PATJ: variants seen among roughly 807,000 people sequenced by gnomAD.
The protein encoded by PATJ is inaD-like protein.
In PATJ, 190 loss-of-function variants were observed where a neutral mutation model predicts 224.9. The ratio of observed to expected loss-of-function variants is 0.84; its 90% CI spans 0.75 to 0.95. PATJ has a LOEUF of 0.95. PATJ is among the 40% of genes least tolerant of loss of function. The probability of loss-of-function intolerance (pLI) is 0.00; values close to 1 mark genes in which losing one functional copy is unlikely to be tolerated. For synonymous variants in PATJ, 769 were observed against 820.3 expected (o/e 0.94, Z 1.07); for missense variants, 2,121 against 2,270.3 (o/e 0.93, Z 1.34).
intron 18 of PATJ, 139 bp from the exon 19 acceptor site, chr1:61,861,412 G>T: frequency 4.8e-6 from 2 of 418,290 alleles, no homozygotes; most frequent in Non-Finnish European, 4.4e-6. Flanking sequence ...GTGCATTGGT[G>T]ATTTACTGCA....
chr1:61,768,120 T>C (rs566254401), intron 4 of PATJ, among the ~76,000 whole-genome samples: 2 of 152,256 alleles, frequency 1.3e-5, no homozygotes, highest in South Asian at 4.1e-4. Flanking sequence ...TTCTTACAGG[T>C]AGAACCCGTG....
chr1:61,866,164 A>G (rs1665391731), intron 20 of PATJ, among the ~76,000 whole-genome samples: 1 of 152,222 alleles, frequency 6.6e-6, no homozygotes, highest in Non-Finnish European at 1.5e-5. Context: ...AACAGCATAC[A>G]TATTCAGTTA....
intron 27 of PATJ, among the ~76,000 whole-genome samples, chr1:61,943,814 C>T (rs551052106): frequency 4.0e-4 from 61 of 152,248 alleles, no homozygotes; most frequent in African/African-American, 9.6e-4. Context: ...CCCCGAGTAG[C>T]CTAACTGGGA....
chr1:61,991,015 A>G (rs2149548721), intron 28 of PATJ, among the ~76,000 whole-genome samples: 1 of 152,220 alleles, frequency 6.6e-6, no homozygotes, highest in African/African-American at 2.4e-5. Context: ...TTTGATACTC[A>G]TTTGCTTGTT....
At chr1:61,808,552 G>T in intron 14 of PATJ, 22 bp downstream of exon 14, 1 of 1,525,406 alleles carries the variant, frequency 6.6e-7, no homozygotes, top group Non-Finnish European at 9.1e-7. Flanking sequence ...TTATAACAAA[G>T]TTAACAGTTT....
At chr1:61,825,429 T>G (rs1438563219) in intron 15 of PATJ, among the ~76,000 whole-genome samples, 3 of 152,180 alleles carry the variant, frequency 2.0e-5, no homozygotes, top group Non-Finnish European at 4.4e-5. Context: ...ATTAGCTGCT[T>G]CTGAATAACC....
In PATJ at chr1:61,807,840, C is replaced by T. The variant is rs528018285; in HGVS notation, c.1627-634C>T. 2.0e-4 allele frequency among the ~76,000 whole-genome samples: 30 copies of T among 152,338 alleles called. No individual in the cohort carries two copies. In the South Asian group the frequency reaches 6.2e-3, roughly 32 times the overall value. ...TTAACAAGTTACAGATGCAAATCAT[C>T]AGTAACATACTTTTGCTTGCAAGGA... On this transcript the variant is annotated intron_variant, in intron 13 of 43. Coordinates refer to ENST00000642238, the MANE Select transcript of PATJ (RefSeq NM_001350145.3).
At position 61,880,119 on chromosome 1, in the gene PATJ, C is replaced by T. The variant is rs115125827; in HGVS notation, c.2960-4118C>T. On this transcript the variant is annotated intron_variant, in intron 21 of 43. Coordinates refer to ENST00000642238, the MANE Select transcript of PATJ (RefSeq NM_001350145.3). ...GATTGCAGGCGTGAGCCACCACACCCGACCAGCTACTCACCTGTTTCTTTC... is the reference window on the plus strand; with the variant it reads ...GATTGCAGGCGTGAGCCACCACACCTGACCAGCTACTCACCTGTTTCTTTC... Among the ~76,000 whole-genome samples, 291 of 152,274 alleles carry T rather than the reference C, an allele frequency of 1.9e-3. 2 individuals carry two copies. Among genetic ancestry groups the T allele is most frequent in the African/African-American group, 6.8e-3 (282 of 41,552 alleles).
chr1:61,984,088 G>A (rs149847115), intron 27 of PATJ, among the ~76,000 whole-genome samples: 52 of 151,718 alleles, frequency 3.4e-4, no homozygotes, highest in Admixed American at 5.3e-4. Context: ...CAAAATGCTG[G>A]GATGATGCAC....
At chr1:61,932,120 T>G (rs1463588203) in intron 27 of PATJ, among the ~76,000 whole-genome samples, 1 of 151,948 alleles carries the variant, frequency 6.6e-6, no homozygotes, top group African/African-American at 2.4e-5. Flanking sequence ...CCTCAGGAGG[T>G]TCCAGAAAGC....
At chr1:62,005,418 T>TG (rs11430244) in intron 28 of PATJ, among the ~76,000 whole-genome samples, 1 of 74,264 alleles carries the variant, frequency 1.3e-5, no homozygotes, top group South Asian at 6.4e-4. Context: ...TATGATGTGG[T>TG]TTTTTTTTTT....
At chr1:62,122,177 C>T (rs192069116) in intron 38 of PATJ, among the ~76,000 whole-genome samples, 4 of 151,604 alleles carry the variant, frequency 2.6e-5, no homozygotes, top group Admixed American at 1.3e-4. Flanking sequence ...GCAGCCTGGC[C>T]AACATGGAGA....
intron 33 of PATJ, 105 bp from the exon 34 acceptor site, chr1:62,108,332 A>G (rs1558180094): frequency 3.6e-6 from 2 of 548,050 alleles, no homozygotes; most frequent in Non-Finnish European, 6.5e-6. Context: ...CAGATAAAAT[A>G]TAACATTATT....
At chr1:61,867,386 C>G (rs1665590242) in intron 20 of PATJ, among the ~76,000 whole-genome samples, 1 of 152,122 alleles carries the variant, frequency 6.6e-6, no homozygotes, top group South Asian at 2.1e-4. Context: ...CTGATTCAGC[C>G]ATACTTGCTT....
chr1:61,798,406 C>G (rs1651793486), intron 11 of PATJ, among the ~76,000 whole-genome samples: 1 of 151,786 alleles, frequency 6.6e-6, no homozygotes, highest in African/African-American at 2.4e-5. Flanking sequence ...CCTGTGTTGC[C>G]CATGCTAGTC....
chr1:61,814,547 T>TGTGCGCGC (rs370488022), intron 14 of PATJ, among the ~76,000 whole-genome samples: 1,850 of 142,500 alleles, frequency 0.013, 47 homozygotes, highest in African/African-American at 0.047. Flanking sequence ...TGTGTGTGTG[T>TGTGCGCGC]GCGCGCGCGC....
intron 29 of PATJ, among the ~76,000 whole-genome samples, chr1:62,024,602 T>C (rs945946258): frequency 6.6e-6 from 1 of 150,986 alleles, no homozygotes; most frequent in Non-Finnish European, 1.5e-5. Context: ...ATATTTATAC[T>C]ATTTGCCCAG....
chr1:61,881,713 G>A (rs966650458), intron 21 of PATJ, among the ~76,000 whole-genome samples: 1 of 151,962 alleles, frequency 6.6e-6, no homozygotes, highest in Non-Finnish European at 1.5e-5. Flanking sequence ...CACCCAGCCC[G>A]CTCTTTAGGC....
chr1:62,073,246 C>T (rs1174497164), intron 31 of PATJ: 3 of 985,166 alleles, frequency 3.0e-6, no homozygotes, highest in Non-Finnish European at 3.6e-6. Context: ...AATCAAGCCA[C>T]AACTGTATCA....
Sources: gnomAD v4.1 joint callset for allele counts (sites outside exome capture counted in the v4.1 genomes callset) on GRCh38, gnomAD v4.1.1 for gene constraint, MANE v1.5 for transcripts, NCBI Gene and HGNC (gene_info 2026-07-23, HGNC 2026-07-21) for gene names.